The following SORBS2 variants were observed in gnomAD, a reference collection of about 807,000 sequenced individuals.
SORBS2 encodes the protein sorbin and SH3 domain containing 2.
Under a neutral mutation model 97.7 loss-of-function variants are expected in SORBS2, and 46 were observed. The observed-to-expected ratio is 0.47, with a 90% CI of 0.37 to 0.60. SORBS2 has a LOEUF of 0.60. SORBS2 is among the 20% of genes least tolerant of loss of function. The pLI, the probability that SORBS2 is intolerant of heterozygous loss-of-function variation, is 0.00. For missense variants in SORBS2, 1,316 were observed against 1,282.3 expected, an observed-to-expected ratio of 1.03 and a Z score of -0.40; for synonymous variants, 476 against 473.4, an observed-to-expected ratio of 1.01 and a Z score of -0.07.
At chr4:185,884,779 C>T (rs1482589792) in intron 1 of SORBS2, among the ~76,000 whole-genome samples, 1 of 152,168 alleles carries the variant, frequency 6.6e-6, no homozygotes, top group Non-Finnish European at 1.5e-5. Flanking sequence ...CGGTGTATTC[C>T]CGGAATGCTC....
rs530024830 is a variant in SORBS2 at position 185,922,575 on chromosome 4, G to GAT, written c.-338+33619_-338+33620dup. Reference sequence around the variant, plus strand: ...ATAACCTATGTTTTTTATTGAGAGTGATATGACATTCTGCTTTCCTTCTTG... The same window carrying GAT: ...ATAACCTATGTTTTTTATTGAGAGTGATATATGACATTCTGCTTTCCTTCTTG... On this transcript the variant is annotated intron_variant, in intron 1 of 20. Coordinates refer to the SORBS2 transcript ENST00000284776. 1.8e-3 allele frequency among the ~76,000 whole-genome samples: 277 copies of GAT among 152,274 alleles called. 1 individual carries two copies. The highest frequency in any genetic ancestry group is 6.4e-3 in the African/African-American group (265 of 41,558).
intron 1 of SORBS2, among the ~76,000 whole-genome samples, chr4:185,888,059 A>ATATTATTATTATTATTATTATTATTAT (rs148021041): frequency 2.6e-4 from 38 of 148,910 alleles, no homozygotes; most frequent in African/African-American, 8.4e-4. Flanking sequence ...CTGACATTCT[A>ATATTATTATTATTATTATTATTATTAT]TATTATTATT....
At chr4:185,591,968 T>A (rs1414484371) in intron 13 of SORBS2, 1 of 152,232 alleles carries the variant, frequency 6.6e-6, no homozygotes, top group East Asian at 1.9e-4. Flanking sequence ...TAAACACACC[T>A]TCAGGAAATC....
At chr4:185,646,458 T>C (rs1057248254) in intron 4 of SORBS2, 614 of 487,002 alleles carry the variant, frequency 1.3e-3, no homozygotes, top group Non-Finnish European at 1.5e-3. Context: ...CACACACACA[T>C]ACACTTGTAT....
chr4:185,952,344 T>A (rs1303062824), intron 1 of SORBS2, among the ~76,000 whole-genome samples: 1 of 152,122 alleles, frequency 6.6e-6, no homozygotes, highest in African/African-American at 2.4e-5. Flanking sequence ...CTTTTTATAG[T>A]GGCCCTTCAC....
At position 185,623,701 on chromosome 4, in the gene SORBS2, C is replaced by G. The variant is rs1255848803; in HGVS notation, c.1428G>C (p.Gln476His). Residue 476 changes from glutamine to histidine, a missense_variant, in exon 7 of 15, where the codon CAG becomes CAC. Physicochemically the swap from Gln to His is conservative, Grantham distance 24. Coordinates refer to ENST00000418609, the Ensembl canonical transcript of SORBS2. This position sits in a 1 kb window ranked among gnomAD's most constrained non-coding sequence, Gnocchi z 6.4. ...TGTGAATGGGCACCAGGGCGTTAGACTGGCAGCCTCGCCGGCCCCGAGCGG... is the reference window on the plus strand; with the variant it reads ...TGTGAATGGGCACCAGGGCGTTAGAGTGGCAGCCTCGCCGGCCCCGAGCGG... 6.2e-7 allele frequency: 1 copy of G among 1,613,970 alleles called. No homozygotes were observed. The highest frequency in any genetic ancestry group is 1.1e-5 in the South Asian group (1 of 91,078).
intron 4 of SORBS2, among the ~76,000 whole-genome samples, chr4:185,634,211 G>C (rs1482627444): frequency 1.3e-5 from 2 of 152,084 alleles, no homozygotes; most frequent in Non-Finnish European, 2.9e-5. Context: ...GAAATTGCAA[G>C]TTGAGACGCT....
chr4:185,587,078 G>A (rs2095808981), exon 15 of SORBS2: 1 of 153,640 alleles, frequency 6.5e-6, no homozygotes, highest in African/African-American at 2.4e-5. Context: ...ATTACAACAT[G>A]TATGTGCAGG....
At chr4:185,853,918 G>A (rs2099219312) in intron 1 of SORBS2, among the ~76,000 whole-genome samples, 1 of 152,128 alleles carries the variant, frequency 6.6e-6, no homozygotes, top group African/African-American at 2.4e-5. Flanking sequence ...ATGGATGAAG[G>A]AAATAAAGAT....
chr4:185,937,528 A>G (rs531948622), intron 1 of SORBS2, among the ~76,000 whole-genome samples: 59 of 152,342 alleles, frequency 3.9e-4, no homozygotes, highest in African/African-American at 1.4e-3. Context: ...TCCTGAGCCC[A>G]GGAACAAATG....
intron 1 of SORBS2, among the ~76,000 whole-genome samples, chr4:185,877,906 A>T (rs79808099): frequency 6.9e-6 from 1 of 145,082 alleles, no homozygotes; most frequent in African/African-American, 2.5e-5. Flanking sequence ...AAGAAAGAAA[A>T]GAAAGAAAGA....
At chr4:185,669,364 A>G (rs2097672335) in intron 4 of SORBS2, among the ~76,000 whole-genome samples, 1 of 152,202 alleles carries the variant, frequency 6.6e-6, no homozygotes, top group Non-Finnish European at 1.5e-5. Flanking sequence ...AAACACGATG[A>G]AAATTAAAGC....
chr4:185,646,678 T>C (rs1435921816), exon 4 of SORBS2: 5 of 1,608,076 alleles, frequency 3.1e-6, no homozygotes, highest in Non-Finnish European at 4.3e-6. Context: ...TGGTCTTTCA[T>C]GCTGAAGAAT....
intron 2 of SORBS2, among the ~76,000 whole-genome samples, chr4:185,715,030 C>A (rs896374349): frequency 3.9e-5 from 6 of 152,174 alleles, no homozygotes; most frequent in Admixed American, 2.0e-4. Flanking sequence ...AAAAAGAAGA[C>A]CACTTTACCA....
intron 12 of SORBS2, among the ~76,000 whole-genome samples, chr4:185,609,762 C>A (rs1006986306): frequency 6.6e-6 from 1 of 152,186 alleles, no homozygotes; most frequent in African/African-American, 2.4e-5. Flanking sequence ...TTAATGAGTT[C>A]TCTGTTTGTA....
intron 4 of SORBS2, among the ~76,000 whole-genome samples, chr4:185,666,571 A>G (rs1212077432): frequency 1.3e-5 from 2 of 152,240 alleles, no homozygotes; most frequent in East Asian, 3.8e-4. Context: ...CTTCACTAGA[A>G]AAATCTAATA....
intron 4 of SORBS2, among the ~76,000 whole-genome samples, chr4:185,677,991 T>C (rs2097820327): frequency 6.6e-6 from 1 of 152,194 alleles, no homozygotes; most frequent in Non-Finnish European, 1.5e-5. Context: ...GTTTATTTAA[T>C]AGCATTGTTT....
chr4:185,593,500 G>A (rs561430019), intron 13 of SORBS2: 1 of 182,474 alleles, frequency 5.5e-6, no homozygotes, highest in South Asian at 1.5e-4. Flanking sequence ...TTTTTACACT[G>A]AGGTCCACTT....
chr4:185,673,287 T>A (rs557856740), intron 4 of SORBS2, among the ~76,000 whole-genome samples: 16 of 152,310 alleles, frequency 1.1e-4, no homozygotes, highest in African/African-American at 3.8e-4. Flanking sequence ...ATTGCACACT[T>A]ACAAATTTGT....
Sources: gnomAD v4.1 joint callset for allele counts (sites outside exome capture counted in the v4.1 genomes callset) on GRCh38, gnomAD v4.1.1 for gene constraint, Gnocchi (gnomAD v3.1) non-coding constraint, MANE v1.5 for transcripts, NCBI Gene and HGNC (gene_info 2026-07-23, HGNC 2026-07-21) for gene names.